SCN11A: variants seen among roughly 807,000 people sequenced by gnomAD.
The protein encoded by SCN11A is sodium channel protein type 11 subunit alpha.
Under a neutral mutation model 162.2 loss-of-function variants are expected in SCN11A, and 122 were observed. The observed-to-expected ratio is 0.75, with a 90% CI of 0.65 to 0.87. The LOEUF is 0.87. Among genes scored for constraint, SCN11A ranks in the 40% least tolerant of loss-of-function variants. SCN11A has a pLI of 0.00. For missense variants in SCN11A, 2,015 were observed against 2,181.6 expected (o/e 0.92, Z 1.52); for synonymous variants, 758 against 751.5 (o/e 1.01, Z -0.14).
chr3:39,024,934 G>A (rs2031548718), intron 2 of SCN11A, among the ~76,000 whole-genome samples: 1 of 152,144 alleles, frequency 6.6e-6, no homozygotes, highest in Non-Finnish European at 1.5e-5. Flanking sequence ...GAAGGCTCCT[G>A]TATATACACA....
chr3:38,846,663 G>A lies in SCN11A; in HGVS notation c.*31C>T. ...GCTCAGAGGCTGAAGGCAAGGCTGT[G>A]AAGCTATGAGGTAGGCGTGGAGGTG... is the stretch of plus-strand genomic sequence containing the variant. On this transcript the variant is annotated 3_prime_UTR_variant, in exon 30 of 30. Coordinates refer to ENST00000302328, the MANE Select transcript of SCN11A (RefSeq NM_001349253.2). 6.3e-7 allele frequency: 1 copy of A among 1,581,122 alleles called. No homozygotes were observed. The highest frequency in any genetic ancestry group is 8.7e-7 in the Non-Finnish European group (1 of 1,151,982).
chr3:38,913,183 T>C (rs757099014), intron 11 of SCN11A, among the ~76,000 whole-genome samples: 5 of 152,166 alleles, frequency 3.3e-5, no homozygotes, highest in Non-Finnish European at 7.4e-5. Flanking sequence ...TTCTGACTGG[T>C]GTGAAATAGT....
intron 2 of SCN11A, among the ~76,000 whole-genome samples, chr3:38,970,330 T>C (rs1166194248): frequency 2.0e-5 from 3 of 152,212 alleles, no homozygotes; most frequent in Non-Finnish European, 4.4e-5. Context: ...GCCCTTGGGA[T>C]CTTACTCTCC....
chr3:38,875,056 C>T (rs1211805021), intron 23 of SCN11A, among the ~76,000 whole-genome samples: 1 of 152,134 alleles, frequency 6.6e-6, no homozygotes, highest in Non-Finnish European at 1.5e-5. Flanking sequence ...CACTTTGCAA[C>T]ATCTACCATA....
At chr3:39,029,099 T>C (rs999825694) in intron 2 of SCN11A, among the ~76,000 whole-genome samples, 3 of 152,212 alleles carry the variant, frequency 2.0e-5, no homozygotes, top group Non-Finnish European at 4.4e-5. Context: ...AATATCCCTT[T>C]ACCTGTGTTT....
Position 38,935,580 on chromosome 3 carries a change from C to A in SCN11A, c.489-8649G>T, listed in dbSNP as rs565999902. On this transcript the variant is annotated intron_variant, in intron 7 of 29. Transcript: ENST00000302328. ...ATCCCACAGAAGTACAAACTACCAT[C>A]AGAGAATACTACAAACACCCCTATG... is the stretch of plus-strand genomic sequence containing the variant. Among the ~76,000 whole-genome samples the A allele has an allele frequency of 3.9e-5, 6 of 152,324 alleles. No individual in the cohort carries two copies. In the East Asian group the frequency reaches 1.2e-3, roughly 29 times the overall value.
intron 19 of SCN11A, among the ~76,000 whole-genome samples, chr3:38,892,663 TA>T (rs536049637): frequency 2.6e-5 from 4 of 151,674 alleles, no homozygotes; most frequent in East Asian, 1.9e-4. Flanking sequence ...TAAGCAATAA[TA>T]AAAAAAAGTT....
intron 2 of SCN11A, among the ~76,000 whole-genome samples, chr3:39,021,935 G>A (rs2031461451): frequency 6.6e-6 from 1 of 152,126 alleles, no homozygotes. Flanking sequence ...GACACACCTT[G>A]TTATACCCCC....
chr3:38,931,163 C>A (rs1039846545), intron 7 of SCN11A, among the ~76,000 whole-genome samples: 2 of 152,216 alleles, frequency 1.3e-5, no homozygotes, highest in African/African-American at 4.8e-5. Context: ...AAAGGGGAGA[C>A]CACATTCCCC....
Position 38,879,919 on chromosome 3 carries a change from C to T in SCN11A, c.3393+31G>A, listed in dbSNP as rs754419591. 6.3e-6 allele frequency: 10 copies of T among 1,588,666 alleles called. No homozygotes were observed. In the South Asian group the frequency reaches 1.1e-4, roughly 18 times the overall value. The stretch of plus-strand genomic sequence containing the variant: ...ATCCCTGCCTTAACCACTACCCCAG[C>T]CTGTGTGGGACACAGAGATGGTAAA... On this transcript the variant is annotated intron_variant, in intron 23 of 29. Coordinates refer to ENST00000302328, the MANE Select transcript of SCN11A (RefSeq NM_001349253.2).
At chr3:38,897,816 G>T (rs1252947377) in intron 17 of SCN11A, among the ~76,000 whole-genome samples, 2 of 152,036 alleles carry the variant, frequency 1.3e-5, no homozygotes, top group Admixed American at 1.3e-4. Context: ...TATATAAAAT[G>T]AATATTTTGG....
At chr3:38,977,081 A>C (rs2066854099) in intron 2 of SCN11A, among the ~76,000 whole-genome samples, 1 of 152,004 alleles carries the variant, frequency 6.6e-6, no homozygotes, top group Admixed American at 6.6e-5. Flanking sequence ...TCTTAATCAG[A>C]CCTCCTACCA....
chr3:38,931,597 C>G lies in SCN11A; in HGVS notation c.489-4666G>C, dbSNP rs1283120519. 2.6e-5 allele frequency among the ~76,000 whole-genome samples: 4 copies of G among 152,310 alleles called. No homozygotes were observed. In the South Asian group the frequency reaches 6.2e-4, roughly 24 times the overall value. On this transcript the variant is annotated intron_variant, in intron 7 of 29. Transcript: ENST00000302328. Reference sequence around the variant, plus strand: ...GACGAGAGTGGGCATTGCCCAGATTCCAGGAGGAAAGCCTCCCAGGGTCAT... The same window carrying G: ...GACGAGAGTGGGCATTGCCCAGATTGCAGGAGGAAAGCCTCCCAGGGTCAT...
At chr3:38,926,533 T>C (rs979203319) in intron 8 of SCN11A, among the ~76,000 whole-genome samples, 9 of 151,640 alleles carry the variant, frequency 5.9e-5, no homozygotes, top group African/African-American at 2.2e-4. Flanking sequence ...GTATCTTCCA[T>C]AGAGCCTGGC....
intron 7 of SCN11A, among the ~76,000 whole-genome samples, chr3:38,932,715 C>A (rs917322290): frequency 6.6e-6 from 1 of 152,192 alleles, no homozygotes; most frequent in East Asian, 1.9e-4. Flanking sequence ...ACAAAGCAGC[C>A]GAGAAGCTCC....
intron 9 of SCN11A, among the ~76,000 whole-genome samples, chr3:38,923,636 A>G (rs545819935): frequency 3.3e-5 from 5 of 152,292 alleles, no homozygotes; most frequent in African/African-American, 1.2e-4. Context: ...GAATCAAACC[A>G]GTGTCTACCA....
chr3:39,004,406 C>A (rs963103697), intron 2 of SCN11A, among the ~76,000 whole-genome samples: 1 of 152,148 alleles, frequency 6.6e-6, no homozygotes, highest in African/African-American at 2.4e-5. Context: ...TGGTACCATG[C>A]TATTTTGGTT....
At chr3:38,958,738 A>G (rs1280672225) in intron 3 of SCN11A, among the ~76,000 whole-genome samples, 1 of 152,218 alleles carries the variant, frequency 6.6e-6, no homozygotes, top group Non-Finnish European at 1.5e-5. Flanking sequence ...ACTAAACCCT[A>G]TAACAAGAAC....
chr3:39,005,468 G>T (rs1235195877), intron 2 of SCN11A, among the ~76,000 whole-genome samples: 1 of 152,076 alleles, frequency 6.6e-6, no homozygotes, highest in East Asian at 1.9e-4. Flanking sequence ...CCTACCTCTG[G>T]CTTCGCATAA....
Sources: allele counts gnomAD v4.1 joint callset (sites outside exome capture counted in the v4.1 genomes callset), GRCh38; gene constraint gnomAD v4.1.1; transcripts MANE v1.5; gene names NCBI Gene and HGNC (gene_info 2026-07-23, HGNC 2026-07-21).